SLC15A2: variants seen among roughly 807,000 people sequenced by gnomAD.
SLC15A2 encodes the protein kidney H(+)/peptide cotransporter.
SLC15A2 carries 77 observed loss-of-function variants against 95.5 expected under a neutral mutation model. The ratio of observed to expected loss-of-function variants is 0.81; its 90% CI spans 0.67 to 0.97. The LOEUF (loss-of-function observed/expected upper bound fraction) is 0.97. Ranked by LOEUF, SLC15A2 falls within the 50% of genes least tolerant of loss-of-function variation. The probability of loss-of-function intolerance (pLI) is 0.00; values close to 1 mark genes in which losing one functional copy is unlikely to be tolerated. For missense variants in SLC15A2, 893 were observed against 874.4 expected (o/e 1.02, Z -0.27); for synonymous variants, 306 against 306.9 (o/e 1.00, Z 0.03).
intron 7 of SLC15A2, among the ~76,000 whole-genome samples, chr3:121,919,724 T>C (rs760565111): frequency 1.3e-5 from 2 of 152,198 alleles, no homozygotes; most frequent in African/African-American, 2.4e-5. Flanking sequence ...TTTATCTGTC[T>C]CTTGTCACTA....
intron 3 of SLC15A2, among the ~76,000 whole-genome samples, chr3:121,910,695 T>C (rs955557420): frequency 2.6e-5 from 4 of 152,184 alleles, no homozygotes; most frequent in African/African-American, 9.7e-5. Flanking sequence ...AGGTGTAAAC[T>C]GTAATTTCCA....
At chr3:121,933,679 T>C (rs1254374810) in intron 19 of SLC15A2, among the ~76,000 whole-genome samples, 1 of 151,902 alleles carries the variant, frequency 6.6e-6, no homozygotes, top group Non-Finnish European at 1.5e-5. Flanking sequence ...GTCAGATGAG[T>C]AGGTTGCGAA....
In SLC15A2 at chr3:121,927,774, G is replaced by A; in HGVS notation, c.1141G>A (p.Ala381Thr). The A allele has an allele frequency of 4.3e-6, 7 of 1,613,556 alleles. No homozygotes were observed. Among genetic ancestry groups the A allele is most frequent in the Non-Finnish European group, 5.9e-6 (7 of 1,179,482 alleles). Residue 381 changes from alanine (A) to threonine (T), a missense_variant, in exon 14 of 22, where the codon GCT becomes ACT. Coordinates refer to ENST00000489711, the MANE Select transcript of SLC15A2 (RefSeq NM_021082.4). ...GINFSSLRKM[A>T]VGMILACLAF... ...CCACCACAGATCACTTAGGAAAATGGCTGTTGGTATGATCCTAGCATGCCT... is the reference window on the plus strand; with the variant it reads ...CCACCACAGATCACTTAGGAAAATGACTGTTGGTATGATCCTAGCATGCCT...
chr3:121,936,034 T>C (rs1397343698), intron 19 of SLC15A2, among the ~76,000 whole-genome samples: 1 of 152,244 alleles, frequency 6.6e-6, no homozygotes, highest in Non-Finnish European at 1.5e-5. Flanking sequence ...CCAGTAGTCA[T>C]TCAGGAGCAG....
At chr3:121,934,748 C>G (rs1450235769) in intron 19 of SLC15A2, among the ~76,000 whole-genome samples, 1 of 152,088 alleles carries the variant, frequency 6.6e-6, no homozygotes, top group African/African-American at 2.4e-5. Flanking sequence ...AATTGAATAC[C>G]CTTTATTTCC....
chr3:121,896,567 CTT>C, intron 2 of SLC15A2, 74 bp downstream of exon 2: 1 of 1,141,648 alleles, frequency 8.8e-7, no homozygotes, highest in East Asian at 2.3e-5. Context: ...AGCCTGGTCT[CTT>C]TATATGCACT....
At position 121,930,622 on chromosome 3, in the gene SLC15A2, A is replaced by C. The variant is rs376741258; in HGVS notation, c.1554-218A>C. Among the ~76,000 whole-genome samples, 119 of 152,280 alleles carry C rather than the reference A, an allele frequency of 7.8e-4. No individual in the cohort carries two copies. In the East Asian group the frequency reaches 0.012, roughly 15 times the overall value. ...GGATGTGGCAGATAAAAGTTCAAGA[A>C]AAAGAAACTTAGGGACAGCTAAGAC... On this transcript the variant is annotated intron_variant, in intron 17 of 21. Transcript: ENST00000489711.
chr3:121,902,635 T>A (rs936721976), intron 3 of SLC15A2, among the ~76,000 whole-genome samples: 1 of 152,238 alleles, frequency 6.6e-6, no homozygotes, highest in East Asian at 1.9e-4. Context: ...TTGTGATAGT[T>A]TCCTCAGAAT....
chr3:121,911,645 T>G lies in SLC15A2; in HGVS notation c.407T>G (p.Leu136Arg), dbSNP rs767664905. ...VIKSLGALPI[L>R]GGQVVHTVLS... ...AAGTCCTTGGGTGCCTTACCAATAC[T>G]GGGAGGACAAGTGGTACACACGTGA... is the stretch of plus-strand genomic sequence containing the variant. Residue 136 changes from leucine (L) to arginine (R), a missense_variant, in exon 4 of 22, where the codon CTG becomes CGG. Leu to Arg is a moderately radical substitution (Grantham distance 102). Coordinates refer to ENST00000489711, the MANE Select transcript of SLC15A2 (RefSeq NM_021082.4). 6.2e-7 allele frequency: 1 copy of G among 1,612,496 alleles called. No individual in the cohort carries two copies. Among genetic ancestry groups the G allele is most frequent in the Admixed American group, 1.7e-5 (1 of 60,018 alleles).
At position 121,943,209 on chromosome 3, in the gene SLC15A2, T is replaced by A. The variant is rs1710491630; in HGVS notation, c.*2202T>A. ...TGAACCCGGGAGGCAGAGGTTGCAA[T>A]GAGCCGAGATCACGCCATCACACTC... On this transcript the variant is annotated 3_prime_UTR_variant, in exon 22 of 22. Coordinates refer to ENST00000489711, the MANE Select transcript of SLC15A2 (RefSeq NM_021082.4). 6.6e-6 allele frequency: 1 copy of A among 151,796 alleles called. No homozygotes were observed. The highest frequency in any genetic ancestry group is 2.1e-4 in the South Asian group (1 of 4,808). 9.4% of individuals were successfully genotyped at this position (151,796 alleles called of 1,614,324 possible).
chr3:121,936,279 G>A (rs1416358673), intron 19 of SLC15A2, among the ~76,000 whole-genome samples: 1 of 152,146 alleles, frequency 6.6e-6, no homozygotes, highest in African/African-American at 2.4e-5. Context: ...TGTCTATTAG[G>A]TCTGCTTGGT....
intron 19 of SLC15A2, among the ~76,000 whole-genome samples, chr3:121,934,595 A>G (rs1309869999): frequency 6.6e-6 from 1 of 150,852 alleles, no homozygotes; most frequent in Non-Finnish European, 1.5e-5. Context: ...AATGCTTGTG[A>G]TTTTTGTACA....
chr3:121,921,619 G>A (rs1287290201), intron 7 of SLC15A2, among the ~76,000 whole-genome samples: 4 of 152,230 alleles, frequency 2.6e-5, no homozygotes, highest in Non-Finnish European at 5.9e-5. Flanking sequence ...ATGAATTTGG[G>A]AAGGTCTTTC....
chr3:121,901,287 G>T (rs1222435409), intron 3 of SLC15A2, among the ~76,000 whole-genome samples: 2 of 152,194 alleles, frequency 1.3e-5, no homozygotes, highest in Non-Finnish European at 2.9e-5. Context: ...AAACTGCTGG[G>T]ATTACAAGTG....
chr3:121,935,306 T>C (rs1421018133), intron 19 of SLC15A2, among the ~76,000 whole-genome samples: 1 of 152,214 alleles, frequency 6.6e-6, no homozygotes, highest in African/African-American at 2.4e-5. Flanking sequence ...ATTCCCTCTT[T>C]TTCTATTGAT....
chr3:121,904,521 T>A (rs935284380), intron 3 of SLC15A2, among the ~76,000 whole-genome samples: 1 of 152,224 alleles, frequency 6.6e-6, no homozygotes, highest in East Asian at 1.9e-4. Flanking sequence ...TTGAGATACG[T>A]TCCATCAATA....
chr3:121,898,440 T>C (rs1709462407), intron 3 of SLC15A2, among the ~76,000 whole-genome samples: 1 of 152,218 alleles, frequency 6.6e-6, no homozygotes, highest in African/African-American at 2.4e-5. Flanking sequence ...AATGTTATAA[T>C]TGTCCCCTAT....
chr3:121,923,288 G>A (rs1249742739), intron 11 of SLC15A2, 22 bp downstream of exon 11: 2 of 1,610,472 alleles, frequency 1.2e-6, no homozygotes, highest in Non-Finnish European at 1.7e-6. Context: ...AGATTTTCCA[G>A]AGAAGTCTAT....
rs1275236822 is a variant in SLC15A2 at position 121,930,919 on chromosome 3, G to T, written c.1633G>T (p.Val545Leu). Residue 545 changes from valine to leucine, a missense_variant, in exon 18 of 22, where the codon GTG becomes TTG. Physicochemically the swap from Val to Leu is conservative, Grantham distance 32 (BLOSUM62 1). Transcript: ENST00000489711. ...TCTCAATGTTGGTGAAGACTATGGT[G>T]TGTCTGCTTATAGAACTGTGCAAAG... ...TSLNVGEDYG[V>L]SAYRTVQRGE... 1 of 1,612,698 alleles carries T rather than the reference G, an allele frequency of 6.2e-7. No individual in the cohort carries two copies. Among genetic ancestry groups the T allele is most frequent in the Admixed American group, 1.7e-5 (1 of 60,028 alleles).
Sources: gnomAD v4.1 joint callset for allele counts (sites outside exome capture counted in the v4.1 genomes callset) on GRCh38, gnomAD v4.1.1 for gene constraint, MANE v1.5 for transcripts, NCBI Gene and HGNC (gene_info 2026-07-23, HGNC 2026-07-21) for gene names.